The following PCDH15 variants were observed in gnomAD, a reference collection of about 807,000 sequenced individuals.
PCDH15 encodes the protein protocadherin related 15.
PCDH15 carries 129 observed loss-of-function variants against 178.5 expected under a neutral mutation model. The observed-to-expected ratio is 0.72, with a 90% CI of 0.63 to 0.84. PCDH15 has a LOEUF of 0.84. PCDH15 is among the 40% of genes least tolerant of loss of function. The pLI is 0.00. For missense variants in PCDH15, 2,230 were observed against 2,099.9 expected, an observed-to-expected ratio of 1.06 and a Z score of -1.21; for synonymous variants, 800 against 732.0, an observed-to-expected ratio of 1.09 and a Z score of -1.50.
At chr10:53,908,649 A>G (rs1194543152) in intron 25 of PCDH15, among the ~76,000 whole-genome samples, 1 of 152,198 alleles carries the variant, frequency 6.6e-6, no homozygotes, top group East Asian at 1.9e-4. Context: ...TTATTCCTGT[A>G]CTTGGGAATG....
At chr10:54,585,665 G>T (rs2026412) in intron 2 of PCDH15, 10 of 157,804 alleles carry the variant, frequency 6.3e-5, no homozygotes, top group Non-Finnish European at 1.4e-4. Flanking sequence ...TGAGGACTGT[G>T]CAATTACTAG....
At chr10:54,389,384 A>AGATCTTGTTAGAATTCTAACAAG in intron 3 of PCDH15, among the ~76,000 whole-genome samples, 1 of 152,174 alleles carries the variant, frequency 6.6e-6, no homozygotes, top group East Asian at 1.9e-4. Flanking sequence ...TGTGCCCATG[A>AGATCTTGTTAGAATTCTAACAAG]ATCACCTAGA....
At chr10:54,983,348 T>G (rs1201833754) in intron 2 of PCDH15, among the ~76,000 whole-genome samples, 1 of 152,052 alleles carries the variant, frequency 6.6e-6, no homozygotes, top group Non-Finnish European at 1.5e-5. Context: ...AAGGTCAAAA[T>G]AATATAAAAA....
intron 13 of PCDH15, among the ~76,000 whole-genome samples, chr10:54,164,912 G>GT (rs1486616341): frequency 6.6e-6 from 1 of 152,166 alleles, no homozygotes; most frequent in African/African-American, 2.4e-5. Context: ...ACTTGGAGCT[G>GT]TGTAAGGTCT....
intron 2 of PCDH15, among the ~76,000 whole-genome samples, chr10:54,613,375 T>C (rs1188512695): frequency 1.3e-5 from 2 of 151,876 alleles, no homozygotes; most frequent in East Asian, 1.9e-4. Flanking sequence ...TGCTGAGTCA[T>C]TGAGTTATTA....
intron 32 of PCDH15, among the ~76,000 whole-genome samples, chr10:53,826,369 AC>A (rs2076680318): frequency 6.6e-6 from 1 of 151,978 alleles, no homozygotes; most frequent in Non-Finnish European, 1.5e-5. Context: ...AGTAACCTGA[AC>A]ACATTTGTTT....
At chr10:54,109,730 A>C (rs112620620) in intron 15 of PCDH15, among the ~76,000 whole-genome samples, 9 of 152,312 alleles carry the variant, frequency 5.9e-5, no homozygotes, top group African/African-American at 2.2e-4. Context: ...GGGGATAGTT[A>C]ATGGGTACAA....
At chr10:55,115,315 C>G (rs758929550) in intron 2 of PCDH15, among the ~76,000 whole-genome samples, 1 of 152,182 alleles carries the variant, frequency 6.6e-6, no homozygotes, top group African/African-American at 2.4e-5. Flanking sequence ...AGGCCTTTGA[C>G]ACTGGTAGCA....
chr10:54,560,462 A>C (rs533345759), intron 2 of PCDH15, among the ~76,000 whole-genome samples: 2 of 152,188 alleles, frequency 1.3e-5, no homozygotes, highest in East Asian at 3.9e-4. Context: ...TTTGTCACTC[A>C]TTAAAAGAAT....
intron 1 of PCDH15, among the ~76,000 whole-genome samples, chr10:55,226,642 A>G (rs1841053635): frequency 6.6e-6 from 1 of 152,060 alleles, no homozygotes; most frequent in Admixed American, 6.6e-5. Context: ...TCGGCCTCCC[A>G]AAGTGCTGAG....
intron 2 of PCDH15, among the ~76,000 whole-genome samples, chr10:55,467,781 G>C (rs569199907): frequency 2.0e-5 from 3 of 151,526 alleles, no homozygotes; most frequent in African/African-American, 7.3e-5. Context: ...CTCGCTGACA[G>C]GGTGAAACCC....
chr10:54,446,223 T>A (rs1325400758), intron 3 of PCDH15, among the ~76,000 whole-genome samples: 1 of 151,676 alleles, frequency 6.6e-6, no homozygotes, highest in African/African-American at 2.4e-5. Flanking sequence ...TCTATAGTTT[T>A]CTTGTAGAGA....
intron 17 of PCDH15, among the ~76,000 whole-genome samples, chr10:54,069,582 AT>A (rs2094201533): frequency 6.6e-6 from 1 of 152,190 alleles, no homozygotes; most frequent in South Asian, 2.1e-4. Flanking sequence ...AAGTTTTTTA[AT>A]ACCACTTGCT....
chr10:55,389,240 G>T (rs560127354), intron 2 of PCDH15, among the ~76,000 whole-genome samples: 3 of 152,128 alleles, frequency 2.0e-5, no homozygotes, highest in African/African-American at 4.8e-5. Flanking sequence ...GAGGGAAGAA[G>T]TGAAGACCTG....
At chr10:55,620,704 C>T (rs936048937) in intron 2 of PCDH15, among the ~76,000 whole-genome samples, 2 of 151,580 alleles carry the variant, frequency 1.3e-5, no homozygotes, top group Admixed American at 1.3e-4. Context: ...ATATGAAGTA[C>T]TAGGTTTTCA....
intron 14 of PCDH15, among the ~76,000 whole-genome samples, chr10:54,147,771 G>A (rs1031421202): frequency 1.3e-5 from 2 of 151,786 alleles, no homozygotes; most frequent in African/African-American, 2.4e-5. Context: ...CTTATAAATA[G>A]CATTATTATC....
At chr10:55,207,228 G>C (rs1006535213) in intron 1 of PCDH15, among the ~76,000 whole-genome samples, 12 of 152,028 alleles carry the variant, frequency 7.9e-5, no homozygotes, top group Non-Finnish European at 1.5e-4. Context: ...GCAGGAATAA[G>C]ACATATATAT....
intron 8 of PCDH15, among the ~76,000 whole-genome samples, chr10:54,259,667 G>A (rs1199786686): frequency 6.6e-6 from 1 of 152,106 alleles, no homozygotes; most frequent in East Asian, 1.9e-4. Flanking sequence ...GCAAAAACTA[G>A]GGCATTACTA....
At chr10:54,557,603 G>A (rs4347292) in intron 2 of PCDH15, among the ~76,000 whole-genome samples, 1 of 152,240 alleles carries the variant, frequency 6.6e-6, no homozygotes, top group Admixed American at 6.5e-5. Flanking sequence ...TGAGGCCATA[G>A]AAATCATCAC....
Sources: allele counts gnomAD v4.1 joint callset (sites outside exome capture counted in the v4.1 genomes callset), GRCh38; gene constraint gnomAD v4.1.1; transcripts MANE v1.5; gene names NCBI Gene and HGNC (gene_info 2026-07-23, HGNC 2026-07-21).